Variants in ITGB5 observed in about 807,000 individuals in gnomAD.
ITGB5 encodes integrin subunit beta 5, also known as integrin beta-5.
In ITGB5, 38 loss-of-function variants were observed where a neutral mutation model predicts 84.8. The observed-to-expected ratio is 0.45, with a 90% confidence interval of 0.35 to 0.59. ITGB5 has a LOEUF of 0.59. Ranked by LOEUF, ITGB5 falls within the 20% of genes least tolerant of loss-of-function variation. The pLI is 0.01. For missense variants in ITGB5, 905 were observed against 1,034.5 expected (o/e 0.87, Z 1.72); for synonymous variants, 393 against 414.4 (o/e 0.95, Z 0.63).
rs1299824666 is a variant in ITGB5 at position 124,796,629 on chromosome 3, G to A, written c.1452C>T (p.Cys484=). 1.6e-5 allele frequency: 26 copies of A among 1,613,864 alleles called. No homozygotes were observed. The highest frequency in any genetic ancestry group is 1.6e-4 in the Middle Eastern group (1 of 6,076). ...ARCNGSGTYV[C]GLCECSPGYL... is the part of the protein sequence containing the mutation. The stretch of plus-strand genomic sequence containing the variant: ...AGCCGGGGCTGCACTCACACAGGCC[G>A]CAGACATAGGTCCCGCTCCCGTTGC... The change falls in exon 10 of 15, where the codon TGC becomes TGT. Residue 484 remains cysteine, a synonymous_variant. Coordinates refer to ENST00000296181, the MANE Select transcript of ITGB5 (RefSeq NM_002213.5).
rs1249719784 is a variant in ITGB5 at position 124,898,218 on chromosome 3, C to T, written c.-255+3048G>A. Among the ~76,000 whole-genome samples, 6 of 145,086 alleles carry T rather than the reference C, an allele frequency of 4.1e-5. No individual in the cohort carries two copies. In the East Asian group the frequency reaches 9.9e-4, roughly 24 times the overall value. ...TCTATTTGTATTGATGCTTTGAGGT[C>T]TTTTTTTTTTTTTAACTTGAGACTG... is the stretch of plus-strand genomic sequence containing the variant. On this transcript the variant is annotated intron_variant, in intron 1 of 4. Coordinates refer to the ITGB5 transcript ENST00000608657.
intron 5 of ITGB5, among the ~76,000 whole-genome samples, chr3:124,837,494 T>C (rs2064951375): frequency 6.6e-6 from 1 of 152,208 alleles, no homozygotes; most frequent in South Asian, 2.1e-4. Context: ...ATCCCTTAGC[T>C]GTGGATGCTG....
chr3:124,791,854 T>C (rs1257193816), intron 10 of ITGB5: 1 of 152,164 alleles, frequency 6.6e-6, no homozygotes, highest in Non-Finnish European at 1.5e-5. Flanking sequence ...GGGAGCCCCA[T>C]GCTGACCACA....
rs752274501 is a variant in ITGB5, at chr3:124,763,693, G to A, written c.2330C>T (p.Pro777Leu). 6.2e-7 allele frequency: 1 copy of A among 1,608,936 alleles called. No homozygotes were observed. ...GAAGTCCACAGTGTGCGTGGAGATA[G>A]GCTTTCTGTATAATGGATTTGAAGC... Reference protein sequence around the residue: ...EMASNPLYRKPISTHTVDFTF... With the variant: ...EMASNPLYRKLISTHTVDFTF... The change falls in exon 15 of 15, where the codon CCT (proline) becomes CTT (leucine). Residue 777 changes from proline (P) to leucine (L), a missense_variant. By Grantham distance (98) the Pro-to-Leu change is moderately conservative. This residue lies in a region of ITGB5 where 133 missense variants were observed against 122.8 expected (regional missense o/e 1.08). Coordinates refer to ENST00000296181, the MANE Select transcript of ITGB5 (RefSeq NM_002213.5).
intron 9 of ITGB5, among the ~76,000 whole-genome samples, chr3:124,800,889 T>C (rs1336136288): frequency 6.6e-6 from 1 of 152,226 alleles, no homozygotes; most frequent in Non-Finnish European, 1.5e-5. Context: ...TCATTCGCTC[T>C]GAGATTCCAG....
At chr3:124,820,254 C>T (rs974712241) in intron 6 of ITGB5, among the ~76,000 whole-genome samples, 3 of 152,200 alleles carry the variant, frequency 2.0e-5, no homozygotes, top group Non-Finnish European at 2.9e-5. Flanking sequence ...GCCTCCTTGC[C>T]CTATTTTCCT....
At chr3:124,853,907 T>A (rs914598351) in intron 3 of ITGB5, among the ~76,000 whole-genome samples, 1 of 152,242 alleles carries the variant, frequency 6.6e-6, no homozygotes, top group African/African-American at 2.4e-5. Context: ...AGGGTCATTT[T>A]TTAAGAGGTT....
At chr3:124,817,350 A>G (rs1469911401) in intron 8 of ITGB5, among the ~76,000 whole-genome samples, 1 of 152,232 alleles carries the variant, frequency 6.6e-6, no homozygotes, top group African/African-American at 2.4e-5. Context: ...CCAGGCCACC[A>G]GCCTGAGTCT....
At chr3:124,854,886 T>G (rs771723545) in intron 3 of ITGB5, among the ~76,000 whole-genome samples, 2 of 152,248 alleles carry the variant, frequency 1.3e-5, no homozygotes, top group African/African-American at 4.8e-5. Context: ...TGAAGTGTCT[T>G]TCATATTATG....
rs774810148 is a variant in ITGB5 at position 124,837,703 on chromosome 3, AC to A, written c.780+3679del. 3.3e-4 allele frequency among the ~76,000 whole-genome samples: 50 copies of A among 152,214 alleles called. 1 individual carries two copies. Among genetic ancestry groups the A allele is most frequent in the Admixed American group, 2.6e-4 (4 of 15,284 alleles). On this transcript the variant is annotated intron_variant, in intron 5 of 14. Transcript: ENST00000296181. ...AAAGTCAGACATGTGAATATTCCAT[AC>A]CCCTAAATCCCACAAGTTGATAACT...
chr3:124,799,236 A>T (rs1187308382), intron 9 of ITGB5, among the ~76,000 whole-genome samples: 1 of 152,226 alleles, frequency 6.6e-6, no homozygotes, highest in African/African-American at 2.4e-5. Flanking sequence ...ATCCACTTGG[A>T]CACTGAAATT....
chr3:124,891,748 C>T (rs951890832), upstream of ITGB5, among the ~76,000 whole-genome samples: 1 of 151,436 alleles, frequency 6.6e-6, no homozygotes, highest in East Asian at 1.9e-4. Flanking sequence ...CATGGTGAAA[C>T]CCCATCTCTA....
At chr3:124,897,075 T>C (rs2107662122) in intron 1 of ITGB5, among the ~76,000 whole-genome samples, 1 of 152,260 alleles carries the variant, frequency 6.6e-6, no homozygotes, top group South Asian at 2.1e-4. Flanking sequence ...GACAGATACA[T>C]TCTTATCTTT....
intron 10 of ITGB5, among the ~76,000 whole-genome samples, chr3:124,783,021 T>C (rs2064027091): frequency 6.6e-6 from 1 of 152,008 alleles, no homozygotes; most frequent in Non-Finnish European, 1.5e-5. Flanking sequence ...CCGGGCATGG[T>C]GGCTCACGCC....
chr3:124,850,156 T>C (rs1171669477), intron 3 of ITGB5, among the ~76,000 whole-genome samples: 2 of 152,036 alleles, frequency 1.3e-5, no homozygotes, highest in African/African-American at 4.8e-5. Context: ...TCCTCTATGC[T>C]TCCTCTCCTC....
intron 10 of ITGB5, among the ~76,000 whole-genome samples, chr3:124,784,775 G>A (rs989768462): frequency 2.6e-5 from 4 of 152,202 alleles, no homozygotes; most frequent in Admixed American, 1.3e-4. Flanking sequence ...TGCCCAATCC[G>A]CCTGGCAGGC....
At chr3:124,831,802 C>A (rs1376205135) in intron 5 of ITGB5, among the ~76,000 whole-genome samples, 2 of 152,140 alleles carry the variant, frequency 1.3e-5, no homozygotes, top group African/African-American at 2.4e-5. Flanking sequence ...GAAGAGTCAC[C>A]AGGCACATGT....
intron 9 of ITGB5, among the ~76,000 whole-genome samples, chr3:124,804,006 T>C (rs2064356761): frequency 6.6e-6 from 1 of 152,222 alleles, no homozygotes. Context: ...AGGTTGTTTC[T>C]GGTCCTTCCC....
intron 2 of ITGB5, among the ~76,000 whole-genome samples, chr3:124,866,341 T>G (rs546198904): frequency 6.6e-6 from 1 of 152,340 alleles, no homozygotes; most frequent in South Asian, 2.1e-4. Flanking sequence ...TAGTGTTCAA[T>G]GGGTGCTTGG....
Sources: allele counts gnomAD v4.1 joint callset (sites outside exome capture counted in the v4.1 genomes callset), GRCh38; gene constraint gnomAD v4.1.1; regional missense constraint gnomAD v4.1.1; transcripts MANE v1.5; gene names NCBI Gene and HGNC (gene_info 2026-07-23, HGNC 2026-07-21).